Variants in HEATR6 observed in about 807,000 individuals in gnomAD.
HEATR6 encodes HEAT repeat-containing protein 6.
Under a neutral mutation model 132.8 loss-of-function variants are expected in HEATR6, and 106 were observed. The ratio of observed to expected loss-of-function variants is 0.80; its 90% confidence interval spans 0.68 to 0.94. The LOEUF (loss-of-function observed/expected upper bound fraction) is 0.94, where lower values mean the gene tolerates loss of function less well. Ranked by LOEUF, HEATR6 falls within the 40% of genes least tolerant of loss-of-function variation. The pLI is 0.00. For missense variants in HEATR6, 1,339 were observed against 1,425.1 expected (o/e 0.94, Z 0.97); for synonymous variants, 529 against 537.8 (o/e 0.98, Z 0.23).
intron 14 of HEATR6, among the ~76,000 whole-genome samples, chr17:60,053,379 G>T (rs987337997): frequency 4.6e-5 from 7 of 152,182 alleles, no homozygotes; most frequent in Non-Finnish European, 8.8e-5. Context: ...CCAGTCTGAG[G>T]CATTTCTTTA....
rs1462254333 is a variant in HEATR6, at chr17:60,057,361, A to T, written c.1766T>A (p.Ile589Lys). 3 of 1,612,786 alleles carry T rather than the reference A, an allele frequency of 1.9e-6. No individual in the cohort carries two copies. The highest frequency in any genetic ancestry group is 1.1e-5 in the South Asian group (1 of 90,916). The change falls in exon 12 of 20, where the codon ATA becomes AAA. Residue 589 changes from isoleucine (I) to lysine (K), a missense_variant. By Grantham distance (102) the Ile-to-Lys change is moderately radical (BLOSUM62 -3). Transcript: ENST00000184956. Reference sequence around the variant, plus strand: ...AGGTAAAGGTGCGTGGGTGGACACTATAGCTCCCAAGAGTGTGAGACTTGA... The same window carrying T: ...AGGTAAAGGTGCGTGGGTGGACACTTTAGCTCCCAAGAGTGTGAGACTTGA... ...RVSSLTLLGA[I>K]VSTHAPLPEV...
At chr17:60,072,021 T>C (rs2083271830) in intron 5 of HEATR6, among the ~76,000 whole-genome samples, 194 bp downstream of exon 5, 1 of 152,330 alleles carries the variant, frequency 6.6e-6, no homozygotes, top group East Asian at 1.9e-4. Context: ...AATTGCAAAA[T>C]ATAACAAATA....
intron 17 of HEATR6, 98 bp from the exon 18 acceptor site, chr17:60,047,503 G>A: frequency 1.8e-6 from 1 of 546,192 alleles, no homozygotes; most frequent in Non-Finnish European, 3.0e-6. Flanking sequence ...TAAAAGTTTA[G>A]GAAAACAGTT....
At chr17:60,074,090 T>C in intron 2 of HEATR6, 1 of 1,274,618 alleles carries the variant, frequency 7.8e-7, no homozygotes, top group Non-Finnish European at 9.9e-7. Context: ...TGCTCACTTC[T>C]TCCTCTTTAG....
At chr17:60,067,964 A>G (rs552453662) in intron 7 of HEATR6, among the ~76,000 whole-genome samples, 89 of 152,370 alleles carry the variant, frequency 5.8e-4, no homozygotes, top group African/African-American at 2.1e-3. Flanking sequence ...CATGAGACAC[A>G]GTTAAACACG....
chr17:60,048,983 A>AATATATATATATATATATATAT (rs35114523), intron 16 of HEATR6, among the ~76,000 whole-genome samples: 1 of 69,580 alleles, frequency 1.4e-5, no homozygotes, highest in Non-Finnish European at 2.4e-5. Flanking sequence ...ATATATATAT[A>AATATATATATATATATATATAT]ATATATATAT....
At chr17:60,049,793 G>C in intron 15 of HEATR6, 91 bp from the exon 16 acceptor site, 1 of 1,433,918 alleles carries the variant, frequency 7.0e-7, no homozygotes, top group Non-Finnish European at 9.6e-7. Flanking sequence ...CTGTGTCTGA[G>C]ACCATAATCA....
intron 14 of HEATR6, among the ~76,000 whole-genome samples, chr17:60,051,408 C>T (rs1312259443): frequency 2.0e-5 from 3 of 152,204 alleles, no homozygotes; most frequent in Non-Finnish European, 4.4e-5. Flanking sequence ...AACTGAGGCA[C>T]AAAGAGACAA....
At chr17:60,077,812 G>A (rs1276721650) in intron 1 of HEATR6, among the ~76,000 whole-genome samples, 1 of 152,214 alleles carries the variant, frequency 6.6e-6, no homozygotes, top group Non-Finnish European at 1.5e-5. Context: ...CCAGGCATAA[G>A]TCGCCTTGCC....
rs558441993 is a variant in HEATR6 at position 60,068,577 on chromosome 17, A to G, written c.940-845T>C. ...AAACCCAAACTACTCAGCCTCCTGTACAAGAATCTTATCATTCGGCCTCTG... is the reference window on the plus strand; with the variant it reads ...AAACCCAAACTACTCAGCCTCCTGTGCAAGAATCTTATCATTCGGCCTCTG... On this transcript the variant is annotated intron_variant, in intron 7 of 19. Transcript: ENST00000184956. Among the ~76,000 whole-genome samples, 7 of 149,804 alleles carry G rather than the reference A, an allele frequency of 4.7e-5. No individual in the cohort carries two copies. In the South Asian group the frequency reaches 1.3e-3, roughly 28 times the overall value.
intron 13 of HEATR6, 22 bp from the exon 14 acceptor site, chr17:60,055,623 GA>G (rs1238572224): frequency 5.6e-5 from 88 of 1,563,854 alleles, no homozygotes; most frequent in Non-Finnish European, 7.5e-5. Flanking sequence ...AAGAATTACC[GA>G]AGTGGAGCAT....
intron 14 of HEATR6, 67 bp downstream of exon 14, chr17:60,055,448 T>C (rs1030917961): frequency 9.5e-7 from 1 of 1,048,188 alleles, no homozygotes; most frequent in Non-Finnish European, 1.4e-6. Flanking sequence ...CATTTATCAC[T>C]GAGCTTCAAA....
At chr17:60,067,982 G>C (rs562745638) in intron 7 of HEATR6, among the ~76,000 whole-genome samples, 1 of 152,318 alleles carries the variant, frequency 6.6e-6, no homozygotes, top group South Asian at 2.1e-4. Flanking sequence ...ACGTGGCCTG[G>C]GTTTAAATTG....
Position 60,042,725 on chromosome 17 carries a change from C to T in HEATR6, c.*838G>A, listed in dbSNP as rs1235033773. 1.5e-5 allele frequency among the ~76,000 whole-genome samples: 1 copy of T among 65,200 alleles called. No individual in the cohort carries two copies. Among genetic ancestry groups the T allele is most frequent in the Non-Finnish European group, 2.7e-5 (1 of 37,176 alleles). The allele number at this position is 65,200 out of a possible 152,430, so 42.8% of individuals were successfully genotyped here. ...GGCTGTGAGGCACCGTCAGCATCCT[C>T]GCGTCCTGTGCGGCTGTGAGGCACC... On this transcript the variant is annotated 3_prime_UTR_variant, in exon 20 of 20. Coordinates refer to ENST00000184956, the MANE Select transcript of HEATR6 (RefSeq NM_022070.5).
rs1906250656 is a variant in HEATR6, at chr17:60,043,425, T to C, written c.*138A>G. Reference sequence around the variant, plus strand: ...AAGGTGGTTGAGCCCTCTGTGAAAATTTAAATGGCTGCTAAGTCATTCTAA... The same window carrying C: ...AAGGTGGTTGAGCCCTCTGTGAAAACTTAAATGGCTGCTAAGTCATTCTAA... On this transcript the variant is annotated 3_prime_UTR_variant, in exon 20 of 20. Coordinates refer to ENST00000184956, the MANE Select transcript of HEATR6 (RefSeq NM_022070.5). 1 of 786,870 alleles carries C rather than the reference T, an allele frequency of 1.3e-6. No homozygotes were observed. Among genetic ancestry groups the C allele is most frequent in the Admixed American group, 2.8e-5 (1 of 35,878 alleles). 48.7% of individuals were successfully genotyped at this position (786,870 alleles called of 1,614,324 possible).
rs1011454701 is a variant in HEATR6, at chr17:60,042,285, T to G, written c.*1278A>C. Among the ~76,000 whole-genome samples, 4 of 152,216 alleles carry G rather than the reference T, an allele frequency of 2.6e-5. No homozygotes were observed. The highest frequency in any genetic ancestry group is 9.7e-5 in the African/African-American group (4 of 41,448). On this transcript the variant is annotated 3_prime_UTR_variant, in exon 20 of 20. Coordinates refer to ENST00000184956, the MANE Select transcript of HEATR6 (RefSeq NM_022070.5). ...TGGGGAGGTGTGGCAGGGAAGGTGGTCAGGGGAACACGGGCACTCCAGAAG... is the reference window on the plus strand; with the variant it reads ...TGGGGAGGTGTGGCAGGGAAGGTGGGCAGGGGAACACGGGCACTCCAGAAG...
In HEATR6 at chr17:60,046,119, T is replaced by C. The variant is rs1235992637; in HGVS notation, c.2880A>G (p.Leu960=). 4 of 1,613,952 alleles carry C rather than the reference T, an allele frequency of 2.5e-6. No homozygotes were observed. Among genetic ancestry groups the C allele is most frequent in the Non-Finnish European group, 2.5e-6 (3 of 1,179,848 alleles). Residue 960 remains leucine, a synonymous_variant, in exon 19 of 20, where the codon CTA becomes CTG. Coordinates refer to ENST00000184956, the MANE Select transcript of HEATR6 (RefSeq NM_022070.5). ...AEIIEESIQA[L]ISTVLTEAAM... Reference sequence around the variant, plus strand: ...CAGCTTCTGTTAGAACAGTAGAAATTAGGGCCTGGATAGACTCCTCAATGA... The same window carrying C: ...CAGCTTCTGTTAGAACAGTAGAAATCAGGGCCTGGATAGACTCCTCAATGA...
rs2083219837 is a variant in HEATR6 at position 60,062,946 on chromosome 17, G to A, written c.1417-2850C>T. On this transcript the variant is annotated intron_variant, in intron 9 of 19. Transcript: ENST00000184956. ...CCTCATTTTCTCTTGCTGCCACCAT[G>A]TAAAGAAGTGCCTTTTGCCTCCTGC... The A allele has an allele frequency of 3.9e-5, 7 of 179,086 alleles. No individual in the cohort carries two copies. The South Asian group carries it at 1.1e-3, about 29-fold the overall frequency. 11.1% of individuals were successfully genotyped at this position (179,086 alleles called of 1,614,324 possible). A position where few individuals can be genotyped will look rare whatever the true frequency, so the allele number is the denominator to read the frequency against.
In HEATR6 at chr17:60,057,030, G is replaced by C; in HGVS notation, c.2079+18C>G. The C allele has an allele frequency of 6.5e-7, 1 of 1,528,094 alleles. No homozygotes were observed. The allele number at this position is 1,528,094 out of a possible 1,614,324, so 94.7% of individuals were successfully genotyped here. ...ATGGTTACTTCCATTTCAGAGATGA[G>C]GAAATGAAATCTCCTACCTGTAAGG... On this transcript the variant is annotated intron_variant, in intron 12 of 19. Transcript: ENST00000184956.
Sources: gnomAD v4.1 joint callset for allele counts (sites outside exome capture counted in the v4.1 genomes callset) on GRCh38, gnomAD v4.1.1 for gene constraint, MANE v1.5 for transcripts, NCBI Gene and HGNC (gene_info 2026-07-23, HGNC 2026-07-21) for gene names.